The following EXOC4 variants were observed in gnomAD, a reference collection of about 807,000 sequenced individuals.
EXOC4 encodes SEC8-like 1.
In EXOC4, 71 loss-of-function variants were observed where a neutral mutation model predicts 107.2. The observed-to-expected ratio is 0.66, with a 90% CI of 0.55 to 0.81. The LOEUF is 0.81. Ranked by LOEUF, EXOC4 falls within the 30% of genes least tolerant of loss-of-function variation. The pLI, the probability that EXOC4 is intolerant of heterozygous loss-of-function variation, is 0.00. For synonymous variants in EXOC4, 456 were observed against 441.2 expected (o/e 1.03, Z -0.42); for missense variants, 1,108 against 1,189.6 (o/e 0.93, Z 1.01).
At chr7:133,355,925 T>G (rs577358355) in intron 5 of EXOC4, among the ~76,000 whole-genome samples, 1 of 152,302 alleles carries the variant, frequency 6.6e-6, no homozygotes, top group African/African-American at 2.4e-5. Context: ...TCCAGCGACT[T>G]ACCACTTTTA....
intron 9 of EXOC4, among the ~76,000 whole-genome samples, chr7:133,596,285 T>C (rs1020486566): frequency 6.6e-6 from 1 of 152,232 alleles, no homozygotes; most frequent in Non-Finnish European, 1.5e-5. Flanking sequence ...GCTGTTTCTT[T>C]ATGTTTCATA....
intron 12 of EXOC4, among the ~76,000 whole-genome samples, chr7:133,914,774 T>C (rs6963032): frequency 0.47 from 70,978 of 152,028 alleles, 17,872 homozygotes; most frequent in African/African-American, 0.65. Flanking sequence ...GAGGATAAGT[T>C]CCATTGAAGT....
chr7:133,661,322 A>C (rs1219742522), intron 10 of EXOC4, among the ~76,000 whole-genome samples: 3 of 152,126 alleles, frequency 2.0e-5, no homozygotes, highest in African/African-American at 7.2e-5. Flanking sequence ...TACACATCTT[A>C]CTGTGCGAGG....
At chr7:133,518,516 CAG>C (rs1418865508) in intron 9 of EXOC4, among the ~76,000 whole-genome samples, 1 of 151,680 alleles carries the variant, frequency 6.6e-6, no homozygotes, top group Non-Finnish European at 1.5e-5. Context: ...GAATTGAAAA[CAG>C]GGACTCAAAC....
At chr7:133,689,143 A>G (rs902580832) in intron 10 of EXOC4, among the ~76,000 whole-genome samples, 1 of 152,150 alleles carries the variant, frequency 6.6e-6, no homozygotes, top group African/African-American at 2.4e-5. Context: ...GTGATTATTC[A>G]TGATCATGAT....
intron 5 of EXOC4, among the ~76,000 whole-genome samples, chr7:133,351,473 G>A (rs1795907870): frequency 6.6e-6 from 1 of 151,830 alleles, no homozygotes; most frequent in East Asian, 1.9e-4. Flanking sequence ...ATATAACTTG[G>A]TGTTGTACGA....
At chr7:133,529,793 C>G (rs1316751095) in intron 9 of EXOC4, among the ~76,000 whole-genome samples, 1 of 152,100 alleles carries the variant, frequency 6.6e-6, no homozygotes, top group African/African-American at 2.4e-5. Context: ...TCACTTTTAT[C>G]TGGAGATTCA....
intron 7 of EXOC4, among the ~76,000 whole-genome samples, chr7:133,460,321 T>C (rs978739879): frequency 3.9e-5 from 6 of 152,160 alleles, no homozygotes; most frequent in Admixed American, 1.3e-4. Flanking sequence ...TGTGGCCTGG[T>C]TCCTAACAGG....
chr7:133,554,389 A>G (rs370954821), intron 9 of EXOC4, among the ~76,000 whole-genome samples: 5 of 152,180 alleles, frequency 3.3e-5, no homozygotes, highest in African/African-American at 4.8e-5. Flanking sequence ...AATTGTTGTT[A>G]TACATTTTCT....
At chr7:133,619,399 C>G (rs1252559695) in intron 9 of EXOC4, among the ~76,000 whole-genome samples, 2 of 152,178 alleles carry the variant, frequency 1.3e-5, no homozygotes, top group Non-Finnish European at 2.9e-5. Flanking sequence ...ACTATTTCTT[C>G]TATATGAACT....
chr7:133,916,604 G>T (rs1799813513), intron 12 of EXOC4, among the ~76,000 whole-genome samples: 1 of 152,084 alleles, frequency 6.6e-6, no homozygotes, highest in Admixed American at 6.5e-5. Flanking sequence ...AACATTAATT[G>T]TCTGTTGGGT....
chr7:134,049,243 A>G (rs775118784), intron 17 of EXOC4, among the ~76,000 whole-genome samples: 2 of 152,228 alleles, frequency 1.3e-5, no homozygotes, highest in African/African-American at 4.8e-5. Context: ...CTTGGTAATA[A>G]TAAATGGTAA....
chr7:133,329,622 T>G (rs1795332200), intron 5 of EXOC4, among the ~76,000 whole-genome samples: 1 of 152,190 alleles, frequency 6.6e-6, no homozygotes, highest in Admixed American at 6.5e-5. Flanking sequence ...GCCATCCTTT[T>G]TGTTGATGTT....
At position 133,372,544 on chromosome 7, in the gene EXOC4, G is replaced by GT. The variant is rs1408653687; in HGVS notation, c.1008-2274dup. Among the ~76,000 whole-genome samples the GT allele has an allele frequency of 2.7e-3, 388 of 145,972 alleles. 2 individuals carry two copies. The highest frequency in any genetic ancestry group is 8.2e-3 in the African/African-American group (333 of 40,504). On this transcript the variant is annotated intron_variant, in intron 6 of 17. Coordinates refer to ENST00000253861, the MANE Select transcript of EXOC4 (RefSeq NM_021807.4). ...CATCTTACACCTCTATTCTCTACTG[G>GT]TTTTTTTTTTCTCTAAATGTAGCGC...
chr7:133,796,419 GCTTTGC>G (rs1343822376), intron 10 of EXOC4, among the ~76,000 whole-genome samples: 2 of 152,170 alleles, frequency 1.3e-5, no homozygotes, highest in Non-Finnish European at 2.9e-5. Flanking sequence ...GAACTGGATA[GCTTTGC>G]CTATTACAGG....
intron 9 of EXOC4, among the ~76,000 whole-genome samples, chr7:133,592,286 G>C (rs1267737756): frequency 6.6e-6 from 1 of 152,046 alleles, no homozygotes; most frequent in Non-Finnish European, 1.5e-5. Context: ...GGCTGGTCTT[G>C]AATTCCTGGG....
In EXOC4 at chr7:133,870,596, T is replaced by G. The variant is rs1329178079; in HGVS notation, c.1735-25003T>G. ...AAAGAGGGTCATTTTATGAAATGTCTGTACTCCTTCTTGACCTCTGTTTCC... is the reference window on the plus strand; with the variant it reads ...AAAGAGGGTCATTTTATGAAATGTCGGTACTCCTTCTTGACCTCTGTTTCC... On this transcript the variant is annotated intron_variant, in intron 11 of 17. Coordinates refer to ENST00000253861, the MANE Select transcript of EXOC4 (RefSeq NM_021807.4). Among the ~76,000 whole-genome samples the G allele has an allele frequency of 2.6e-5, 4 of 152,228 alleles. No homozygotes were observed. The East Asian group carries it at 7.7e-4, about 29-fold the overall frequency.
chr7:134,050,332 C>A (rs962274725), intron 17 of EXOC4, among the ~76,000 whole-genome samples: 1 of 152,142 alleles, frequency 6.6e-6, no homozygotes, highest in Non-Finnish European at 1.5e-5. Flanking sequence ...GTCTTCTTAA[C>A]AATTCTATGA....
intron 12 of EXOC4, among the ~76,000 whole-genome samples, chr7:133,913,507 G>A (rs1799741033): frequency 6.6e-6 from 1 of 152,224 alleles, no homozygotes; most frequent in Non-Finnish European, 1.5e-5. Flanking sequence ...GACAGGAAAT[G>A]ACAGATTTAT....
Sources: allele counts gnomAD v4.1 joint callset (sites outside exome capture counted in the v4.1 genomes callset), GRCh38; gene constraint gnomAD v4.1.1; transcripts MANE v1.5; gene names NCBI Gene and HGNC (gene_info 2026-07-23, HGNC 2026-07-21).